The following MYT1L variants were observed in gnomAD, a reference collection of about 807,000 sequenced individuals.
MYT1L encodes the protein myelin transcription factor 1-like protein.
Under a neutral mutation model 126.7 loss-of-function variants are expected in MYT1L, and 12 were observed. That is an observed-to-expected ratio of 0.09 (90% CI 0.06 to 0.15). The LOEUF is 0.15. Among genes scored for constraint, MYT1L ranks in the 10% least tolerant of loss-of-function variants. The probability of loss-of-function intolerance (pLI) is 1.00; values close to 1 mark genes in which losing one functional copy is unlikely to be tolerated. For synonymous variants in MYT1L, 541 were observed against 604.2 expected, an observed-to-expected ratio of 0.90 and a Z score of 1.53; for missense variants, 979 against 1,585.2, an observed-to-expected ratio of 0.62 and a Z score of 6.49.
intron 3 of MYT1L, among the ~76,000 whole-genome samples, chr2:2,104,574 G>A (rs7424523): frequency 0.028 from 4,265 of 152,344 alleles, 83 homozygotes; most frequent in South Asian, 0.09. Context: ...AGGCTGGCTC[G>A]CCAGGGGCCA....
At chr2:2,242,159 G>T (rs2149147404) in intron 2 of MYT1L, among the ~76,000 whole-genome samples, 1 of 152,310 alleles carries the variant, frequency 6.6e-6, no homozygotes, top group African/African-American at 2.4e-5. Context: ...TGGAAGATCA[G>T]AGTTCATTAT....
chr2:1,978,400 T>A (rs139315046), intron 8 of MYT1L, among the ~76,000 whole-genome samples: 24 of 152,298 alleles, frequency 1.6e-4, no homozygotes, highest in African/African-American at 4.8e-4. Flanking sequence ...AACCTTTCTA[T>A]TGAAAGACAC....
intron 3 of MYT1L, among the ~76,000 whole-genome samples, chr2:2,098,119 A>T (rs1559001633): frequency 1.3e-5 from 2 of 151,880 alleles, no homozygotes; most frequent in African/African-American, 4.8e-5. Flanking sequence ...AGCCAATTAA[A>T]CCTCCTTTCT....
At chr2:2,092,620 G>A (rs1043294358) in intron 3 of MYT1L, among the ~76,000 whole-genome samples, 1 of 152,208 alleles carries the variant, frequency 6.6e-6, no homozygotes, top group South Asian at 2.1e-4. Flanking sequence ...GTGAAGCACA[G>A]TAAAGGGAAG....
In MYT1L at chr2:2,059,449, G is replaced by A. The variant is rs879332010; in HGVS notation, c.-303-5326C>T. Among the ~76,000 whole-genome samples, 8 of 151,926 alleles carry A rather than the reference G, an allele frequency of 5.3e-5. No homozygotes were observed. The highest frequency in any genetic ancestry group is 2.1e-4 in the South Asian group (1 of 4,826). ...GAAGCACCCAATGGTCTCACTTTCC[G>A]TTTGTGTTGATGAGCAGAGCCCCCT... On this transcript the variant is annotated intron_variant, in intron 3 of 24. Transcript: ENST00000647738. The surrounding 1 kb of genome is among the most constrained non-coding windows in gnomAD (Gnocchi z 4.7).
intron 21 of MYT1L, among the ~76,000 whole-genome samples, chr2:1,814,798 T>C (rs763798937): frequency 9.2e-5 from 14 of 152,288 alleles, no homozygotes; most frequent in Non-Finnish European, 1.8e-4. Context: ...CATTCACCCA[T>C]GAACGAACAG....
chr2:1,956,681 A>C (rs2058508015), intron 8 of MYT1L, among the ~76,000 whole-genome samples: 1 of 151,848 alleles, frequency 6.6e-6, no homozygotes, highest in South Asian at 2.1e-4. Flanking sequence ...CATCATCATC[A>C]TGATTACCTG....
At chr2:2,076,956 G>A (rs2075295546) in intron 3 of MYT1L, among the ~76,000 whole-genome samples, 1 of 152,014 alleles carries the variant, frequency 6.6e-6, no homozygotes, top group South Asian at 2.1e-4. Context: ...AGGAATCATG[G>A]CAATTTTGCC....
chr2:1,984,835 A>C (rs1054819673), intron 5 of MYT1L, among the ~76,000 whole-genome samples: 6 of 152,126 alleles, frequency 3.9e-5, no homozygotes, highest in Admixed American at 2.0e-4. Flanking sequence ...AATGCACGAA[A>C]ATTTCATAAA....
intron 2 of MYT1L, among the ~76,000 whole-genome samples, chr2:2,175,724 A>G (rs188472751): frequency 1.3e-4 from 20 of 152,300 alleles, no homozygotes; most frequent in Admixed American, 2.0e-4. Flanking sequence ...AAACTGCTTT[A>G]AGGTTTTCTG....
At chr2:2,304,486 T>G (rs1301992394) in intron 1 of MYT1L, among the ~76,000 whole-genome samples, 2 of 152,242 alleles carry the variant, frequency 1.3e-5, no homozygotes, top group African/African-American at 2.4e-5. Flanking sequence ...TCTGTGCTAA[T>G]GATCCTCATC....
rs905901446 is a variant in MYT1L, at chr2:1,887,986, C to T, written c.2521-377G>A. 6.6e-6 allele frequency among the ~76,000 whole-genome samples: 1 copy of T among 152,236 alleles called. No homozygotes were observed. Among genetic ancestry groups the T allele is most frequent in the Non-Finnish European group, 1.5e-5 (1 of 68,042 alleles). On this transcript the variant is annotated intron_variant, in intron 16 of 24. Coordinates refer to ENST00000647738, the MANE Select transcript of MYT1L (RefSeq NM_001303052.2). The surrounding 1 kb of genome is among the most constrained non-coding windows in gnomAD (Gnocchi z 4.8). ...CCAACACTTGCCTGCAAAGATTCAACACTGGAACTACAGTGTCTTAGGGCT... is the reference window on the plus strand; with the variant it reads ...CCAACACTTGCCTGCAAAGATTCAATACTGGAACTACAGTGTCTTAGGGCT...
At chr2:2,322,036 C>T (rs1306604287) in intron 1 of MYT1L, among the ~76,000 whole-genome samples, 1 of 152,140 alleles carries the variant, frequency 6.6e-6, no homozygotes, top group Non-Finnish European at 1.5e-5. Context: ...TACACATATA[C>T]ACGCACTCAC....
At chr2:2,016,689 G>A (rs2064439861) in intron 4 of MYT1L, among the ~76,000 whole-genome samples, 2 of 152,132 alleles carry the variant, frequency 1.3e-5, no homozygotes. Flanking sequence ...GAATCAAGAG[G>A]GAGAAAGAAG....
intron 18 of MYT1L, among the ~76,000 whole-genome samples, chr2:1,854,181 TG>T (rs2043626421): frequency 6.6e-6 from 1 of 152,204 alleles, no homozygotes; most frequent in Admixed American, 6.5e-5. Context: ...GGGATGGGGC[TG>T]TTGGAGAACC....
chr2:2,197,742 TAC>T (rs2092874817), intron 2 of MYT1L, among the ~76,000 whole-genome samples: 1 of 144,576 alleles, frequency 6.9e-6, no homozygotes, highest in African/African-American at 2.6e-5. Flanking sequence ...CACACATATA[TAC>T]ACACATGCAC....
At chr2:2,229,211 T>G (rs957730952) in intron 2 of MYT1L, among the ~76,000 whole-genome samples, 1 of 152,214 alleles carries the variant, frequency 6.6e-6, no homozygotes, top group Non-Finnish European at 1.5e-5. Flanking sequence ...AATGAGTTCT[T>G]CATATACAAA....
At chr2:2,159,855 T>C (rs760460220) in intron 3 of MYT1L, among the ~76,000 whole-genome samples, 7 of 152,006 alleles carry the variant, frequency 4.6e-5, no homozygotes, top group Admixed American at 6.5e-5. Context: ...TGTTTGCTAC[T>C]TTTTCTTCTT....
chr2:2,255,774 A>G (rs2094793521), intron 2 of MYT1L, among the ~76,000 whole-genome samples: 1 of 152,088 alleles, frequency 6.6e-6, no homozygotes, highest in Non-Finnish European at 1.5e-5. Context: ...GTTGTGAAAC[A>G]AAGCAAGCTC....
Sources: allele counts gnomAD v4.1 joint callset (sites outside exome capture counted in the v4.1 genomes callset), GRCh38; gene constraint gnomAD v4.1.1; non-coding constraint Gnocchi (gnomAD v3.1); transcripts MANE v1.5; gene names NCBI Gene and HGNC (gene_info 2026-07-23, HGNC 2026-07-21).